The following UNC13C variants were observed in gnomAD, a reference collection of about 807,000 sequenced individuals.
UNC13C encodes the protein unc-13 homolog C.
A neutral mutation model predicts 245.4 loss-of-function variants in UNC13C; 174 were observed. The observed-to-expected ratio is 0.71, with a 90% CI of 0.63 to 0.80. UNC13C has a LOEUF of 0.80. UNC13C is among the 30% of genes least tolerant of loss of function. UNC13C has a pLI of 0.00. For missense variants in UNC13C, 2,829 were observed against 2,602.9 expected, an observed-to-expected ratio of 1.09 and a Z score of -1.89; for synonymous variants, 992 against 895.1, an observed-to-expected ratio of 1.11 and a Z score of -1.93.
intron 2 of UNC13C, among the ~76,000 whole-genome samples, chr15:54,112,492 C>T (rs1900830977): frequency 6.6e-6 from 1 of 152,160 alleles, no homozygotes; most frequent in Non-Finnish European, 1.5e-5. Context: ...AGGTTTCTAC[C>T]TGGCCAGCGC....
intron 2 of UNC13C, among the ~76,000 whole-genome samples, chr15:54,033,446 G>A (rs1003826457): frequency 1.3e-5 from 2 of 152,076 alleles, no homozygotes; most frequent in African/African-American, 4.8e-5. Context: ...ATTGTCGTGG[G>A]ATTTTTGAAC....
At chr15:54,040,332 C>T (rs1489631973) in intron 2 of UNC13C, among the ~76,000 whole-genome samples, 1 of 152,030 alleles carries the variant, frequency 6.6e-6, no homozygotes, top group Non-Finnish European at 1.5e-5. Context: ...GGGTCCAATC[C>T]CACTTAAGAA....
At chr15:54,253,382 T>C (rs1367583660) in intron 8 of UNC13C, among the ~76,000 whole-genome samples, 2 of 152,140 alleles carry the variant, frequency 1.3e-5, no homozygotes, top group East Asian at 1.9e-4. Flanking sequence ...CTAATTGTAC[T>C]TGATGGTAGT....
intron 4 of UNC13C, 93 bp from the exon 5 acceptor site, chr15:54,234,936 CT>C (rs914204775): frequency 7.1e-6 from 8 of 1,119,066 alleles, no homozygotes; most frequent in Non-Finnish European, 9.2e-6. Flanking sequence ...TCCAGGTCAT[CT>C]TTTTCACAGA....
intron 17 of UNC13C, among the ~76,000 whole-genome samples, chr15:54,384,432 A>G (rs1241857006): frequency 2.0e-5 from 3 of 152,114 alleles, no homozygotes; most frequent in Non-Finnish European, 2.9e-5. Context: ...TCATTAAATG[A>G]TGCTGGGGAA....
intron 24 of UNC13C, among the ~76,000 whole-genome samples, chr15:54,515,309 A>G (rs1057373506): frequency 1.3e-5 from 2 of 152,338 alleles, no homozygotes; most frequent in South Asian, 2.1e-4. Flanking sequence ...TTATAACACA[A>G]TAACAACAAA....
chr15:54,509,515 C>T (rs1894642002), intron 23 of UNC13C, among the ~76,000 whole-genome samples: 1 of 152,112 alleles, frequency 6.6e-6, no homozygotes, highest in Admixed American at 6.5e-5. Flanking sequence ...AGTTTCCTAA[C>T]TTTGTTCCAG....
intron 17 of UNC13C, among the ~76,000 whole-genome samples, chr15:54,387,926 A>G (rs1326146262): frequency 6.6e-6 from 1 of 152,132 alleles, no homozygotes; most frequent in Non-Finnish European, 1.5e-5. Context: ...AGCTGCCATG[A>G]CTACAGCTAC....
chr15:54,124,512 T>C (rs1479174283), intron 2 of UNC13C, among the ~76,000 whole-genome samples: 1 of 152,224 alleles, frequency 6.6e-6, no homozygotes, highest in Admixed American at 6.5e-5. Context: ...GAGAGAATTC[T>C]TTACATATTA....
the UNC13C span, among the ~76,000 whole-genome samples, chr15:53,897,343 T>C: frequency 3.9e-5 from 6 of 152,224 alleles, no homozygotes; most frequent in African/African-American, 1.4e-4. Context: ...TCCAACCTCC[T>C]GATTACCAGC....
chr15:53,893,042 C>T, the UNC13C span, among the ~76,000 whole-genome samples: 1 of 152,220 alleles, frequency 6.6e-6, no homozygotes, highest in East Asian at 1.9e-4. Flanking sequence ...TGGTGACCTT[C>T]AGATGGGGTC....
the UNC13C span, among the ~76,000 whole-genome samples, chr15:53,968,852 T>A: frequency 6.6e-6 from 1 of 152,350 alleles, no homozygotes; most frequent in South Asian, 2.1e-4. Flanking sequence ...ATTTCTGCTC[T>A]ATTTTGAAAA....
chr15:54,006,108 C>G (rs10518749), intron 1 of UNC13C, among the ~76,000 whole-genome samples: 17,821 of 152,184 alleles, frequency 0.12, 1,102 homozygotes, highest in South Asian at 0.15. Context: ...TGATCATAAA[C>G]TGAGATACTA....
chr15:54,573,516 A>C (rs1897842553), intron 30 of UNC13C, among the ~76,000 whole-genome samples: 1 of 152,256 alleles, frequency 6.6e-6, no homozygotes, highest in Non-Finnish European at 1.5e-5. Flanking sequence ...CTAGAAATGT[A>C]CTGCAATATT....
intron 23 of UNC13C, among the ~76,000 whole-genome samples, chr15:54,511,115 G>C (rs552364582): frequency 1.3e-5 from 2 of 152,228 alleles, no homozygotes; most frequent in African/African-American, 4.8e-5. Context: ...TAGCTGGTGA[G>C]AGTGAAAAGC....
intron 32 of UNC13C, among the ~76,000 whole-genome samples, chr15:54,624,871 G>A (rs887077465): frequency 6.6e-6 from 1 of 152,074 alleles, no homozygotes; most frequent in African/African-American, 2.4e-5. Flanking sequence ...GTGGTTAAGA[G>A]TAGAGAAATT....
chr15:54,354,825 T>G (rs2039057675), intron 17 of UNC13C, among the ~76,000 whole-genome samples: 1 of 152,202 alleles, frequency 6.6e-6, no homozygotes, highest in Admixed American at 6.5e-5. Context: ...TTACTTGCTA[T>G]GGTTTGAATG....
At chr15:54,172,733 T>TATAA (rs1567067109) in intron 4 of UNC13C, among the ~76,000 whole-genome samples, 16 of 104,066 alleles carry the variant, frequency 1.5e-4, no homozygotes, top group South Asian at 3.2e-4. Context: ...TATATATATA[T>TATAA]ATATATATAT....
chr15:54,624,505 C>CAGAT (rs1284936953), intron 32 of UNC13C, among the ~76,000 whole-genome samples: 1 of 152,130 alleles, frequency 6.6e-6, no homozygotes, highest in Non-Finnish European at 1.5e-5. Context: ...GGCCAAGGTA[C>CAGAT]AGATAGTGTG....
Sources: allele counts gnomAD v4.1 joint callset (sites outside exome capture counted in the v4.1 genomes callset), GRCh38; gene constraint gnomAD v4.1.1; transcripts MANE v1.5; gene names NCBI Gene and HGNC (gene_info 2026-07-23, HGNC 2026-07-21).